Variants in FEM1B observed in about 807,000 individuals in gnomAD.
The protein encoded by FEM1B is fem-1 homolog B.
FEM1B carries 10 observed loss-of-function variants against 38.6 expected under a neutral mutation model. The ratio of observed to expected loss-of-function variants is 0.26; its 90% confidence interval spans 0.16 to 0.44. The LOEUF (loss-of-function observed/expected upper bound fraction) is 0.44. Ranked by LOEUF, FEM1B falls within the 20% of genes least tolerant of loss-of-function variation. The pLI, the probability that FEM1B is intolerant of heterozygous loss-of-function variation, is 1.00. For missense variants in FEM1B, 471 were observed against 786.7 expected (o/e 0.60, Z 4.80); for synonymous variants, 288 against 288.0 (o/e 1.00, Z 0.00).
At position 68,291,180 on chromosome 15, in the gene FEM1B, A is replaced by G. The variant is rs1339240066; in HGVS notation, c.1822A>G (p.Asn608Asp). The G allele has an allele frequency of 6.2e-7, 1 of 1,613,838 alleles. No homozygotes were observed. Among genetic ancestry groups the G allele is most frequent in the East Asian group, 2.2e-5 (1 of 44,890 alleles). Residue 608 changes from asparagine (N) to aspartate (D), a missense_variant, in exon 2 of 2, where the codon AAT becomes GAT. Coordinates refer to ENST00000306917, the MANE Select transcript of FEM1B (RefSeq NM_015322.5). The surrounding 1 kb of genome is among the most constrained non-coding windows in gnomAD (Gnocchi z 6.9). The part of the protein sequence containing the change: ...KCLAARAVRA[N>D]DINYQDQIPR... ...CCTGGCTGCCCGAGCAGTTCGGGCT[A>G]ATGACATTAACTACCAAGACCAGAT... is the stretch of plus-strand genomic sequence containing the variant.
chr15:68,285,739 G>A (rs1051295924), intron 1 of FEM1B, among the ~76,000 whole-genome samples: 1 of 149,604 alleles, frequency 6.7e-6, no homozygotes, highest in Non-Finnish European at 1.5e-5. Context: ...TTGCTGTGTC[G>A]CGCAGGCTGG....
At chr15:68,279,209 G>A (rs994132304) in intron 1 of FEM1B, among the ~76,000 whole-genome samples, 2 of 152,202 alleles carry the variant, frequency 1.3e-5, no homozygotes, top group African/African-American at 2.4e-5. Context: ...CACGCAGCCA[G>A]ACATCTCAAG....
Position 68,278,092 on chromosome 15 carries a change from A to C in FEM1B, c.-326A>C. ...GCACGCGCCTGTCGCATCCCGCAGG[A>C]AGGAGGGGTCCGGCCTGAGGCCCGG... On this transcript the variant is annotated 5_prime_UTR_variant, in exon 1 of 2. Coordinates refer to ENST00000306917, the MANE Select transcript of FEM1B (RefSeq NM_015322.5). The surrounding 1 kb of genome is among the most constrained non-coding windows in gnomAD (Gnocchi z 5.7). 3.7e-6 allele frequency: 1 copy of C among 266,834 alleles called. No individual in the cohort carries two copies. The allele number at this position is 266,834 out of a possible 1,614,324, so 16.5% of individuals were successfully genotyped here.
chr15:68,286,838 T>C (rs537468147), intron 1 of FEM1B, among the ~76,000 whole-genome samples: 4 of 149,260 alleles, frequency 2.7e-5, no homozygotes, highest in African/African-American at 1.0e-4. Flanking sequence ...TAAACTGAAT[T>C]GTTTGCAAAA....
chr15:68,278,026 G>T lies in FEM1B; in HGVS notation c.-392G>T. The T allele has an allele frequency of 4.9e-6, 1 of 204,764 alleles. No individual in the cohort carries two copies. The highest frequency in any genetic ancestry group is 9.8e-6 in the Non-Finnish European group (1 of 102,312). 12.7% of individuals were successfully genotyped at this position (204,764 alleles called of 1,614,324 possible). A position where few individuals can be genotyped will look rare whatever the true frequency, so the allele number is the denominator to read the frequency against. On this transcript the variant is annotated 5_prime_UTR_variant, in exon 1 of 2. Transcript: ENST00000306917. The surrounding 1 kb of genome is among the most constrained non-coding windows in gnomAD (Gnocchi z 5.7). ...GCCCATCTTTCGCCATCCGGGGTGC[G>T]CGAGGTCCTCTCGGGACCCGGCCGG...
rs963656223 is a variant in FEM1B at position 68,280,468 on chromosome 15, T to C, written c.248+1803T>C. Among the ~76,000 whole-genome samples the C allele has an allele frequency of 6.6e-6, 1 of 152,220 alleles. No individual in the cohort carries two copies. Among genetic ancestry groups the C allele is most frequent in the Non-Finnish European group, 1.5e-5 (1 of 68,040 alleles). On this transcript the variant is annotated intron_variant, in intron 1 of 1. Coordinates refer to ENST00000306917, the MANE Select transcript of FEM1B (RefSeq NM_015322.5). The surrounding 1 kb of genome is among the most constrained non-coding windows in gnomAD (Gnocchi z 4.2). ...GCAGATGCCATGCCATTTAGGGTTG[T>C]AGAAATCATTTGGACTACTGAGAGA...
chr15:68,290,805 G>C lies in FEM1B; in HGVS notation c.1447G>C (p.Glu483Gln). The C allele has an allele frequency of 6.2e-7, 1 of 1,614,100 alleles. No individual in the cohort carries two copies. The highest frequency in any genetic ancestry group is 8.5e-7 in the Non-Finnish European group (1 of 1,179,958). ...GATTCACCTTGATCCCAGAACTCGT[G>C]AAGGTTTCACCTTGCTGCATCTGGC... ...NLIHLDPRTR[E>Q]GFTLLHLAVN... Residue 483 changes from glutamate to glutamine, a missense_variant, in exon 2 of 2, where the codon GAA becomes CAA. By Grantham distance (29) the Glu-to-Gln change is conservative (BLOSUM62 2). Transcript: ENST00000306917. This position sits in a 1 kb window ranked among gnomAD's most constrained non-coding sequence, Gnocchi z 9.7.
chr15:68,292,880 G>T lies in FEM1B; in HGVS notation c.*1638G>T, dbSNP rs66989829. 0.26 allele frequency: 39,333 copies of T among 151,866 alleles called. 5,770 individuals are homozygous for T. Among genetic ancestry groups the T allele is most frequent in the Non-Finnish European group, 0.33 (22,730 of 67,870 alleles). The allele number at this position is 151,866 out of a possible 1,614,324, so 9.4% of individuals were successfully genotyped here. On this transcript the variant is annotated 3_prime_UTR_variant, in exon 2 of 2. Transcript: ENST00000306917. ...TGAAGGATGGGAGGGGACAGAAGGG[G>T]GGACTATCCCCCAAGGATGCAAGAT...
chr15:68,287,576 G>GGTGAT (rs1391381212), intron 1 of FEM1B, among the ~76,000 whole-genome samples: 1 of 152,108 alleles, frequency 6.6e-6, no homozygotes, highest in Non-Finnish European at 1.5e-5. Context: ...TGTTTTTTGT[G>GGTGAT]GTGATGTTAA....
intron 1 of FEM1B, among the ~76,000 whole-genome samples, chr15:68,283,922 G>A (rs897684330): frequency 1.5e-5 from 2 of 130,670 alleles, no homozygotes; most frequent in Admixed American, 1.7e-4. Context: ...TCTCACTCTT[G>A]TTGCCGAGGC....
chr15:68,291,019 C>T lies in FEM1B; in HGVS notation c.1661C>T (p.Ser554Phe). 2 of 1,614,074 alleles carry T rather than the reference C, an allele frequency of 1.2e-6. No homozygotes were observed. The highest frequency in any genetic ancestry group is 2.2e-5 in the South Asian group (2 of 91,084). Residue 554 changes from serine (S) to phenylalanine (F), a missense_variant, in exon 2 of 2, where the codon TCC becomes TTC. Ser to Phe is a radical substitution (Grantham distance 155). Around this residue, in one of 3 missense-constraint regions of FEM1B, gnomAD observed 380 missense variants for 599.6 expected, o/e 0.63. Transcript: ENST00000306917. This position sits in a 1 kb window ranked among gnomAD's most constrained non-coding sequence, Gnocchi z 6.9. ...RPISDFLTLH[S>F]IIISLVEAGA... ...ATCAGTGATTTTTTGACCTTGCACT[C>T]CATCATCATTAGCCTAGTTGAAGCC...
Position 68,290,234 on chromosome 15 carries a change from A to G in FEM1B, c.876A>G (p.Glu292=), listed in dbSNP as rs2140245858. 4 of 1,614,152 alleles carry G rather than the reference A, an allele frequency of 2.5e-6. No homozygotes were observed. The East Asian group carries it at 8.9e-5, about 36-fold the overall frequency. Residue 292 remains glutamate (E), a synonymous_variant, in exon 2 of 2, where the codon GAA becomes GAG. Coordinates refer to ENST00000306917, the MANE Select transcript of FEM1B (RefSeq NM_015322.5). This position sits in a 1 kb window ranked among gnomAD's most constrained non-coding sequence, Gnocchi z 9.7. ...TCCAAGATGGTGATAACATTCTCGA[A>G]AAAGAGGTTCTTCCACCAATCCATG... ...ERFQDGDNIL[E]KEVLPPIHAY... is the part of the protein sequence containing the mutation.
Position 68,291,718 on chromosome 15 carries a change from A to AGAT in FEM1B, c.*477_*479dup, listed in dbSNP as rs1049613962. 6 of 155,096 alleles carry AGAT rather than the reference A, an allele frequency of 3.9e-5. No homozygotes were observed. The highest frequency in any genetic ancestry group is 1.2e-4 in the African/African-American group (5 of 41,526). 9.6% of individuals were successfully genotyped at this position (155,096 alleles called of 1,614,324 possible). ...TGTTCTGCACATGCCAAACTGCTGT[A>AGAT]GATAGTTTACACTCTTCCATTATTT... is the stretch of plus-strand genomic sequence containing the variant. On this transcript the variant is annotated 3_prime_UTR_variant, in exon 2 of 2. Transcript: ENST00000306917. The surrounding 1 kb of genome is among the most constrained non-coding windows in gnomAD (Gnocchi z 6.9).
In FEM1B at chr15:68,291,412, T is replaced by C; in HGVS notation, c.*170T>C. The C allele has an allele frequency of 1.8e-6, 1 of 560,790 alleles. No homozygotes were observed. Among genetic ancestry groups the C allele is most frequent in the Non-Finnish European group, 3.1e-6 (1 of 324,280 alleles). The allele number at this position is 560,790 out of a possible 1,614,324, so 34.7% of individuals were successfully genotyped here. On this transcript the variant is annotated 3_prime_UTR_variant, in exon 2 of 2. Coordinates refer to ENST00000306917, the MANE Select transcript of FEM1B (RefSeq NM_015322.5). This position sits in a 1 kb window ranked among gnomAD's most constrained non-coding sequence, Gnocchi z 6.9. ...TTTTTCTTGCCTCATGGTAATTGAT[T>C]TCAGACAGACTTTAACAAAACCACA... is the stretch of plus-strand genomic sequence containing the variant.
In FEM1B at chr15:68,291,279, A is replaced by G; in HGVS notation, c.*37A>G. The stretch of plus-strand genomic sequence containing the variant: ...TGTAAAGTCGTTTAATGTGGTGCTA[A>G]AAAGTAAAGGACTTTTAATCACAGA... On this transcript the variant is annotated 3_prime_UTR_variant, in exon 2 of 2. Transcript: ENST00000306917. This position sits in a 1 kb window ranked among gnomAD's most constrained non-coding sequence, Gnocchi z 6.9. The G allele has an allele frequency of 6.8e-7, 1 of 1,464,274 alleles. No homozygotes were observed. The highest frequency in any genetic ancestry group is 9.2e-7 in the Non-Finnish European group (1 of 1,082,252). 90.7% of individuals were successfully genotyped at this position (1,464,274 alleles called of 1,614,324 possible).
chr15:68,281,654 G>A lies in FEM1B; in HGVS notation c.248+2989G>A, dbSNP rs1464544976. On this transcript the variant is annotated intron_variant, in intron 1 of 1. Transcript: ENST00000306917. This position sits in a 1 kb window ranked among gnomAD's most constrained non-coding sequence, Gnocchi z 5.1. ...TTTTTTTGAGACGGAGTCTCGCTCT[G>A]TCGCCGGGGCTGGAGTGCAGTGGCG... is the stretch of plus-strand genomic sequence containing the variant. 6.6e-6 allele frequency among the ~76,000 whole-genome samples: 1 copy of A among 151,908 alleles called. No homozygotes were observed. The highest frequency in any genetic ancestry group is 1.9e-4 in the East Asian group (1 of 5,170).
chr15:68,290,430 A>G lies in FEM1B; in HGVS notation c.1072A>G (p.Met358Val), dbSNP rs763542049. The change falls in exon 2 of 2, where the codon ATG becomes GTG. Residue 358 changes from methionine to valine, a missense_variant. By Grantham distance (21) the Met-to-Val change is conservative. This residue lies in a region of FEM1B where 380 missense variants were observed against 599.6 expected (regional missense o/e 0.63). Transcript: ENST00000306917. The surrounding 1 kb of genome is among the most constrained non-coding windows in gnomAD (Gnocchi z 9.7). ...IYRGAVYADN[M>V]EFEQCIKLWL... is the part of the protein sequence containing the mutation. ...CAGAGGAGCTGTTTATGCGGATAAT[A>G]TGGAATTTGAGCAGTGTATCAAGTT... The G allele has an allele frequency of 1.9e-6, 3 of 1,614,038 alleles. No homozygotes were observed. Among genetic ancestry groups the G allele is most frequent in the Non-Finnish European group, 2.5e-6 (3 of 1,180,022 alleles).
At chr15:68,283,966 A>G (rs909631115) in intron 1 of FEM1B, among the ~76,000 whole-genome samples, 2 of 151,646 alleles carry the variant, frequency 1.3e-5, no homozygotes, top group African/African-American at 2.4e-5. Context: ...GCTCACCGCA[A>G]ACTCTGCCTC....
At position 68,280,262 on chromosome 15, in the gene FEM1B, C is replaced by T. The variant is rs947515907; in HGVS notation, c.248+1597C>T. The T allele has an allele frequency of 2.6e-5, 4 of 152,266 alleles. No homozygotes were observed. Among genetic ancestry groups the T allele is most frequent in the Admixed American group, 6.5e-5 (1 of 15,290 alleles). The allele number at this position is 152,266 out of a possible 1,614,324, so 9.4% of individuals were successfully genotyped here. A position where few individuals can be genotyped will look rare whatever the true frequency, so the allele number is the denominator to read the frequency against. The stretch of plus-strand genomic sequence containing the variant: ...AGCCTGTGTAGTGGCTTATCTTGCC[C>T]AATGTTCTGTACTGGCCAGAGAAAT... On this transcript the variant is annotated intron_variant, in intron 1 of 1. Transcript: ENST00000306917. The surrounding 1 kb of genome is among the most constrained non-coding windows in gnomAD (Gnocchi z 4.2).
Sources: gnomAD v4.1 joint callset for allele counts (sites outside exome capture counted in the v4.1 genomes callset) on GRCh38, gnomAD v4.1.1 for gene constraint, gnomAD v4.1.1 regional missense constraint, Gnocchi (gnomAD v3.1) non-coding constraint, MANE v1.5 for transcripts, NCBI Gene and HGNC (gene_info 2026-07-23, HGNC 2026-07-21) for gene names.